The following BOD1 variants were observed in gnomAD, a reference collection of about 807,000 sequenced individuals.
BOD1 encodes the protein biorientation of chromosomes in cell division 1, also known as biorientation of chromosomes in cell division protein 1.
BOD1 carries 11 observed loss-of-function variants against 15.7 expected under a neutral mutation model. The observed-to-expected ratio is 0.70, with a 90% CI of 0.44 to 1.16. The LOEUF is 1.16. Ranked by LOEUF, BOD1 falls within the 50% of genes most tolerant of loss-of-function variation. The probability of loss-of-function intolerance (pLI) is 0.00; values close to 1 mark genes in which losing one functional copy is unlikely to be tolerated. For synonymous variants in BOD1, 105 were observed against 103.5 expected (o/e 1.01, Z -0.09); for missense variants, 182 against 244.5 (o/e 0.74, Z 1.70).
intron 3 of BOD1, 28 bp downstream of exon 3, chr5:173,609,210 C>T (rs762310780): frequency 7.1e-7 from 1 of 1,402,280 alleles, no homozygotes; most frequent in Non-Finnish European, 9.7e-7. Context: ...GAGATGCATA[C>T]TCCTGGACAG....
chr5:173,613,382 G>T, intron 1 of BOD1, 127 bp from the exon 2 acceptor site: 2 of 1,141,308 alleles, frequency 1.8e-6, no homozygotes, highest in Non-Finnish European at 2.5e-6. Context: ...TGTGCATGAA[G>T]ATCACCATGC....
chr5:173,614,745 A>G (rs773650454), intron 1 of BOD1: 3 of 152,260 alleles, frequency 2.0e-5, no homozygotes, highest in Non-Finnish European at 4.4e-5. Context: ...GTACATGGGA[A>G]GGTTCCAACC....
chr5:173,616,373 A>T lies in BOD1; in HGVS notation c.64T>A (p.Ser22Thr). The change falls in exon 1 of 4, where the codon TCT becomes ACT. Residue 22 changes from serine (S) to threonine (T), a missense_variant. Ser to Thr is a moderately conservative substitution (Grantham distance 58). Transcript: ENST00000311086. The part of the protein sequence containing the change: ...AVGGGGTSQA[S>T]AGAATGATGA... ...GTAGCGCCAGTCGCTGCCCCGGCAG[A>T]GGCCTGGCTAGTTCCGCCGCCGCCC... 2 of 1,522,344 alleles carry T rather than the reference A, an allele frequency of 1.3e-6. No individual in the cohort carries two copies. Among genetic ancestry groups the T allele is most frequent in the Admixed American group, 4.0e-5 (2 of 49,824 alleles). The allele number at this position is 1,522,344 out of a possible 1,614,324, so 94.3% of individuals were successfully genotyped here.
Position 173,616,414 on chromosome 5 carries a change from C to T in BOD1, c.23G>A (p.Gly8Glu). 1 of 1,526,224 alleles carries T rather than the reference C, an allele frequency of 6.6e-7. No homozygotes were observed. Among genetic ancestry groups the T allele is most frequent in the South Asian group, 1.2e-5 (1 of 82,770 alleles). The allele number at this position is 1,526,224 out of a possible 1,614,324, so 94.5% of individuals were successfully genotyped here. A position where few individuals can be genotyped will look rare whatever the true frequency, so the allele number is the denominator to read the frequency against. The change falls in exon 1 of 4, where the codon GGG becomes GAG. Residue 8 changes from glycine (G) to glutamate (E), a missense_variant. This residue lies in a region of BOD1 where 72 missense variants were observed against 68.9 expected (regional missense o/e 1.05). Coordinates refer to ENST00000311086, the MANE Select transcript of BOD1 (RefSeq NM_138369.3). ...GCCGCCGCCCACCGCGCCAGTTCCC[C>T]CGCCGCCGCCGCCGTCCGCCATGGC... is the stretch of plus-strand genomic sequence containing the variant. The part of the protein sequence containing the change: MADGGGG[G>E]GTGAVGGGGT...
intron 2 of BOD1, 143 bp from the exon 3 acceptor site, chr5:173,609,577 C>T: frequency 5.5e-6 from 4 of 733,630 alleles, no homozygotes; most frequent in Non-Finnish European, 9.0e-6. Flanking sequence ...AATCCACTTA[C>T]CATATACAGC....
Position 173,616,538 on chromosome 5 carries a change from G to A in BOD1, c.-102C>T, listed in dbSNP as rs945139263. 7.1e-7 allele frequency: 1 copy of A among 1,416,686 alleles called. No individual in the cohort carries two copies. Among genetic ancestry groups the A allele is most frequent in the Non-Finnish European group, 9.1e-7 (1 of 1,094,674 alleles). 87.8% of individuals were successfully genotyped at this position (1,416,686 alleles called of 1,614,324 possible). On this transcript the variant is annotated 5_prime_UTR_variant, in exon 1 of 4. Transcript: ENST00000311086. Reference sequence around the variant, plus strand: ...GGTGAAGGGGGCGGTGAAGGAGGAGGGCCCCAAGGCGGCAGCGGCGGAGGT... The same window carrying A: ...GGTGAAGGGGGCGGTGAAGGAGGAGAGCCCCAAGGCGGCAGCGGCGGAGGT...
Position 173,609,327 on chromosome 5 carries a change from A to G in BOD1, c.470T>C (p.Leu157Pro). ...PQIERAIHEF[L>P]AAQKKAAVPA... ...CACAGCTGCTTTTTTCTGGGCCGCC[A>G]GGAACTCATGAATTGCTCGTTCTAT... is the stretch of plus-strand genomic sequence containing the variant. The change falls in exon 3 of 4, where the codon CTG becomes CCG. Residue 157 changes from leucine (L) to proline (P), a missense_variant. Leu to Pro is a moderately conservative substitution (Grantham distance 98, BLOSUM62 -3). Around this residue, in one of 3 missense-constraint regions of BOD1, gnomAD observed 40 missense variants for 45.3 expected, o/e 0.88. Transcript: ENST00000311086. 2 of 1,614,220 alleles carry G rather than the reference A, an allele frequency of 1.2e-6. No homozygotes were observed.
In BOD1 at chr5:173,608,014, C is replaced by A; in HGVS notation, c.*280G>T. 1 of 472,374 alleles carries A rather than the reference C, an allele frequency of 2.1e-6. No individual in the cohort carries two copies. The highest frequency in any genetic ancestry group is 3.2e-5 in the East Asian group (1 of 30,948). The allele number at this position is 472,374 out of a possible 1,614,324, so 29.3% of individuals were successfully genotyped here. A position where few individuals can be genotyped will look rare whatever the true frequency, so the allele number is the denominator to read the frequency against. On this transcript the variant is annotated 3_prime_UTR_variant, in exon 4 of 4. Coordinates refer to ENST00000311086, the MANE Select transcript of BOD1 (RefSeq NM_138369.3). ...TCAAGTATAAAAGTCTGTTTCAGGACAACCCTGGGTTGCTGTAGTGTTTCT... is the reference window on the plus strand; with the variant it reads ...TCAAGTATAAAAGTCTGTTTCAGGAAAACCCTGGGTTGCTGTAGTGTTTCT...
intron 1 of BOD1, 151 bp downstream of exon 1, chr5:173,616,049 A>C (rs1755487016): frequency 1.1e-6 from 1 of 944,194 alleles, no homozygotes; most frequent in African/African-American, 1.7e-5. Flanking sequence ...TCGCTCAGAA[A>C]GCTCTCCGTA....
chr5:173,613,346 G>T, intron 1 of BOD1, 91 bp from the exon 2 acceptor site: 7 of 1,454,884 alleles, frequency 4.8e-6, no homozygotes, highest in Non-Finnish European at 6.7e-6. Context: ...TCACAGAAAC[G>T]TTATTAAGTC....
At chr5:173,615,583 C>G (rs530215127) in intron 1 of BOD1, among the ~76,000 whole-genome samples, 1 of 152,290 alleles carries the variant, frequency 6.6e-6, no homozygotes, top group African/African-American at 2.4e-5. Context: ...TCCAAACCAC[C>G]CTGACGAGTA....
intron 2 of BOD1, 152 bp from the exon 3 acceptor site, chr5:173,609,586 GC>G: frequency 2.9e-6 from 2 of 682,958 alleles, no homozygotes; most frequent in Non-Finnish European, 4.9e-6. Context: ...ACCATATACA[GC>G]TCACGCTATT....
intron 2 of BOD1, chr5:173,609,647 C>A: frequency 1.9e-6 from 1 of 537,776 alleles, no homozygotes; most frequent in Non-Finnish European, 3.3e-6. Flanking sequence ...TCCTACTGCA[C>A]AATCTCACCC....
chr5:173,615,192 C>T (rs1755462028), intron 1 of BOD1, among the ~76,000 whole-genome samples: 1 of 152,216 alleles, frequency 6.6e-6, no homozygotes. Context: ...ACCACTTTCT[C>T]TCTCTACATC....
At chr5:173,611,983 A>G (rs1755366950) in intron 2 of BOD1, among the ~76,000 whole-genome samples, 1 of 152,260 alleles carries the variant, frequency 6.6e-6, no homozygotes, top group Non-Finnish European at 1.5e-5. Flanking sequence ...GACCAGTGCC[A>G]GACATGTAAT....
At chr5:173,615,251 A>G (rs1029587585) in intron 1 of BOD1, among the ~76,000 whole-genome samples, 3 of 152,220 alleles carry the variant, frequency 2.0e-5, no homozygotes, top group East Asian at 1.9e-4. Flanking sequence ...AACCTAGACT[A>G]TAAGTTTTGA....
Position 173,609,448 on chromosome 5 carries a change from A to G in BOD1, c.363-14T>C. ...AACATCCCTGACCTTGTGGAGACAAACAGATCATTCTGTTATTTAGTTCCT... is the reference window on the plus strand; with the variant it reads ...AACATCCCTGACCTTGTGGAGACAAGCAGATCATTCTGTTATTTAGTTCCT... On this transcript the variant is annotated splice_polypyrimidine_tract_variant and intron_variant, in intron 2 of 3. Transcript: ENST00000311086. 1.6e-6 allele frequency: 2 copies of G among 1,216,526 alleles called. No individual in the cohort carries two copies. The highest frequency in any genetic ancestry group is 2.2e-6 in the Non-Finnish European group (2 of 891,910). The allele number at this position is 1,216,526 out of a possible 1,614,324, so 75.4% of individuals were successfully genotyped here. A position where few individuals can be genotyped will look rare whatever the true frequency, so the allele number is the denominator to read the frequency against.
intron 1 of BOD1, among the ~76,000 whole-genome samples, chr5:173,615,729 C>G (rs1372228649): frequency 6.6e-6 from 1 of 152,136 alleles, no homozygotes; most frequent in African/African-American, 2.4e-5. Context: ...AATTCAACGC[C>G]GTACTAGTCT....
intron 1 of BOD1, among the ~76,000 whole-genome samples, chr5:173,613,556 C>A (rs934824853): frequency 2.0e-5 from 3 of 152,252 alleles, no homozygotes; most frequent in African/African-American, 7.2e-5. Flanking sequence ...GGGCAGCCTG[C>A]AGCCAAGCCA....
Sources: allele counts gnomAD v4.1 joint callset (sites outside exome capture counted in the v4.1 genomes callset), GRCh38; gene constraint gnomAD v4.1.1; regional missense constraint gnomAD v4.1.1; transcripts MANE v1.5; gene names NCBI Gene and HGNC (gene_info 2026-07-23, HGNC 2026-07-21).